Variants in PCNX2 observed in about 807,000 individuals in gnomAD.
PCNX2 encodes the protein pecanex 2.
Under a neutral mutation model 223.8 loss-of-function variants are expected in PCNX2, and 168 were observed. That is an observed-to-expected ratio of 0.75 (90% CI 0.66 to 0.85). The LOEUF (loss-of-function observed/expected upper bound fraction) is 0.85, where lower values mean the gene tolerates loss of function less well. Ranked by LOEUF, PCNX2 falls within the 40% of genes least tolerant of loss-of-function variation. PCNX2 has a pLI of 0.00. For synonymous variants in PCNX2, 1,006 were observed against 1,052.6 expected, an observed-to-expected ratio of 0.96 and a Z score of 0.86; for missense variants, 2,507 against 2,675.5, an observed-to-expected ratio of 0.94 and a Z score of 1.39.
chr1:233,088,813 G>A, intron 23 of PCNX2, among the ~76,000 whole-genome samples: 1 of 152,214 alleles, frequency 6.6e-6, no homozygotes. Flanking sequence ...TCCCTGCGGA[G>A]CAGTCAGAGA....
intron 23 of PCNX2, among the ~76,000 whole-genome samples, chr1:233,062,246 G>A (rs1245362559): frequency 1.3e-5 from 2 of 151,866 alleles, no homozygotes; most frequent in African/African-American, 2.4e-5. Flanking sequence ...CACCTGAAAA[G>A]GTTTTTTTCA....
At position 232,984,305 on chromosome 1, in the gene PCNX2, C is replaced by A; in HGVS notation, c.6413G>T (p.Ter2138LeuextTer120). 1 of 1,600,680 alleles carries A rather than the reference C, an allele frequency of 6.2e-7. No homozygotes were observed. The highest frequency in any genetic ancestry group is 8.5e-7 in the Non-Finnish European group (1 of 1,173,828). The change falls in exon 34 of 34, where the codon TGA (stop) becomes TTA (leucine). Residue 2138 changes from the stop codon to leucine (L), a stop_lost. Coordinates refer to ENST00000258229, the MANE Select transcript of PCNX2 (RefSeq NM_014801.4). ...ASQQSVSDEQ* is the reference protein window; with the variant it reads ...ASQQSVSDEQL ...CCTCCCCGCCCGGCCGCACGCCCGT[C>A]ACTGCTCGTCTGACACACTTTGCTG...
the PCNX2 span, among the ~76,000 whole-genome samples, chr1:233,322,050 T>C: frequency 2.4e-4 from 36 of 152,188 alleles, no homozygotes; most frequent in East Asian, 7.0e-3. Context: ...CAGAAGGTGG[T>C]TCTTAAGGGT....
At chr1:233,036,974 G>A (rs185302245) in intron 25 of PCNX2, among the ~76,000 whole-genome samples, 118 of 152,274 alleles carry the variant, frequency 7.7e-4, no homozygotes, top group Admixed American at 3.7e-3. Flanking sequence ...AACCATCAGG[G>A]CCAGACACAG....
At chr1:233,304,745 C>T in the PCNX2 span, among the ~76,000 whole-genome samples, 1 of 152,086 alleles carries the variant, frequency 6.6e-6, no homozygotes, top group Non-Finnish European at 1.5e-5. Context: ...ATTGGTATTG[C>T]AAAGCAAGGA....
chr1:233,101,693 G>A (rs977807789), intron 21 of PCNX2, among the ~76,000 whole-genome samples: 9 of 152,286 alleles, frequency 5.9e-5, no homozygotes, highest in African/African-American at 2.2e-4. Context: ...ACAGTCAGAA[G>A]CAAAGAGGTA....
At chr1:233,311,853 C>G in the PCNX2 span, among the ~76,000 whole-genome samples, 1 of 152,168 alleles carries the variant, frequency 6.6e-6, no homozygotes, top group Non-Finnish European at 1.5e-5. Flanking sequence ...GGTGTAGTGG[C>G]TCACACCTGT....
At chr1:233,154,003 T>C (rs1677968482) in intron 19 of PCNX2, among the ~76,000 whole-genome samples, 1 of 152,200 alleles carries the variant, frequency 6.6e-6, no homozygotes, top group Admixed American at 6.5e-5. Context: ...TGGGACCCAT[T>C]AGTGAATGTT....
chr1:233,137,296 G>C (rs947194091), intron 20 of PCNX2, among the ~76,000 whole-genome samples: 1 of 146,172 alleles, frequency 6.8e-6, no homozygotes, highest in African/African-American at 2.5e-5. Flanking sequence ...GTGTGAGTGA[G>C]TGTGAGTGTG....
chr1:233,295,191 G>C lies in PCNX2; in HGVS notation c.153+135C>G. On this transcript the variant is annotated intron_variant, in intron 1 of 33. Transcript: ENST00000258229. This position sits in a 1 kb window ranked among gnomAD's most constrained non-coding sequence, Gnocchi z 4.1. ...TGCATGTTCTCTGTCCCAAATTTCTGAAGCCCCTCCCTTTCCGTCTCTTAA... is the reference window on the plus strand; with the variant it reads ...TGCATGTTCTCTGTCCCAAATTTCTCAAGCCCCTCCCTTTCCGTCTCTTAA... 7.8e-7 allele frequency: 1 copy of C among 1,278,334 alleles called. No individual in the cohort carries two copies. The allele number at this position is 1,278,334 out of a possible 1,614,324, so 79.2% of individuals were successfully genotyped here. A position where few individuals can be genotyped will look rare whatever the true frequency, so the allele number is the denominator to read the frequency against.
chr1:233,161,008 C>T (rs1678433752), intron 18 of PCNX2, among the ~76,000 whole-genome samples: 1 of 152,156 alleles, frequency 6.6e-6, no homozygotes, highest in Admixed American at 6.5e-5. Flanking sequence ...ACAAGATGTG[C>T]CATCATTCTT....
intron 13 of PCNX2, among the ~76,000 whole-genome samples, chr1:233,202,573 G>A (rs1355859857): frequency 6.6e-6 from 1 of 152,102 alleles, no homozygotes; most frequent in Non-Finnish European, 1.5e-5. Context: ...CCCTATCTGT[G>A]TATTAACTAA....
chr1:233,152,788 G>A (rs1367359221), intron 19 of PCNX2, among the ~76,000 whole-genome samples: 2 of 152,226 alleles, frequency 1.3e-5, no homozygotes, highest in African/African-American at 4.8e-5. Flanking sequence ...AAACTGATGA[G>A]ACTTCAGAAC....
At chr1:233,013,322 G>C (rs1216604210) in intron 28 of PCNX2, among the ~76,000 whole-genome samples, 1 of 152,142 alleles carries the variant, frequency 6.6e-6, no homozygotes, top group Non-Finnish European at 1.5e-5. Flanking sequence ...GGTGACTCCA[G>C]GCTACTGCCT....
At chr1:233,057,126 G>T in intron 24 of PCNX2, 106 bp downstream of exon 24, 1 of 958,820 alleles carries the variant, frequency 1.0e-6, no homozygotes, top group Non-Finnish European at 1.6e-6. Context: ...TAACTAAGAT[G>T]TGCATTGTCT....
chr1:233,207,958 AT>A (rs1395612620), intron 13 of PCNX2, among the ~76,000 whole-genome samples: 184 of 145,804 alleles, frequency 1.3e-3, no homozygotes, highest in Middle Eastern at 7.4e-3. Context: ...ATGAGCATTT[AT>A]TTTTTTTTTT....
chr1:232,992,092 T>C (rs1338039018), intron 32 of PCNX2, among the ~76,000 whole-genome samples: 2 of 152,234 alleles, frequency 1.3e-5, no homozygotes, highest in Admixed American at 6.5e-5. Context: ...GAGAGGTTTT[T>C]CCTTCTTTTA....
intron 13 of PCNX2, among the ~76,000 whole-genome samples, chr1:233,204,082 C>T (rs535379084): frequency 6.6e-6 from 1 of 152,224 alleles, no homozygotes; most frequent in South Asian, 2.1e-4. Flanking sequence ...TAAATGTGAC[C>T]TTGTTTGGAA....
chr1:233,060,549 A>G (rs973598061), intron 23 of PCNX2, among the ~76,000 whole-genome samples: 1 of 152,230 alleles, frequency 6.6e-6, no homozygotes, highest in African/African-American at 2.4e-5. Flanking sequence ...TGTCAGCCAC[A>G]CTGGGTAATT....
Sources: gnomAD v4.1 joint callset for allele counts (sites outside exome capture counted in the v4.1 genomes callset) on GRCh38, gnomAD v4.1.1 for gene constraint, Gnocchi (gnomAD v3.1) non-coding constraint, MANE v1.5 for transcripts, NCBI Gene and HGNC (gene_info 2026-07-23, HGNC 2026-07-21) for gene names.